Variants in PCDHA8 observed in about 807,000 individuals in gnomAD.
The protein encoded by PCDHA8 is protocadherin alpha-8.
Under a neutral mutation model 61.8 loss-of-function variants are expected in PCDHA8, and 53 were observed. The ratio of observed to expected loss-of-function variants is 0.86; its 90% CI spans 0.69 to 1.08. The LOEUF is 1.08. PCDHA8 is among the 50% of genes least tolerant of loss of function. PCDHA8 has a pLI of 0.00. For missense variants in PCDHA8, 1,293 were observed against 1,245.0 expected, an observed-to-expected ratio of 1.04 and a Z score of -0.58; for synonymous variants, 618 against 556.6, an observed-to-expected ratio of 1.11 and a Z score of -1.55.
intron 1 of PCDHA8, among the ~76,000 whole-genome samples, chr5:140,935,464 G>A (rs2090388076): frequency 6.6e-6 from 1 of 152,146 alleles, no homozygotes; most frequent in Admixed American, 6.5e-5. Context: ...AGCAGTTTAA[G>A]TTTTTGTCAT....
intron 1 of PCDHA8, chr5:140,927,843 CTT>C (rs1563097902): frequency 4.3e-6 from 7 of 1,614,186 alleles, no homozygotes; most frequent in African/African-American, 2.7e-5. Flanking sequence ...ACGAAGGTGT[CTT>C]TGGTTTAGCT....
At chr5:140,881,559 C>G (rs1293330721) in intron 1 of PCDHA8, among the ~76,000 whole-genome samples, 2 of 152,174 alleles carry the variant, frequency 1.3e-5, no homozygotes, top group Admixed American at 6.5e-5. Context: ...ATATAAATAT[C>G]TTATCTACAT....
intron 1 of PCDHA8, among the ~76,000 whole-genome samples, chr5:140,957,690 T>G (rs2095375856): frequency 6.6e-6 from 1 of 152,060 alleles, no homozygotes; most frequent in South Asian, 2.1e-4. Context: ...ATCTAGACAA[T>G]GAACATTATG....
chr5:140,873,464 T>C (rs904556302), intron 1 of PCDHA8, among the ~76,000 whole-genome samples: 1 of 152,214 alleles, frequency 6.6e-6, no homozygotes, highest in Non-Finnish European at 1.5e-5. Context: ...TTTTAGATAA[T>C]TCAAATTACT....
chr5:140,842,268 A>C lies in PCDHA8; in HGVS notation c.947A>C (p.Tyr316Ser). The C allele has an allele frequency of 6.2e-7, 1 of 1,610,534 alleles. No individual in the cohort carries two copies. The highest frequency in any genetic ancestry group is 1.1e-5 in the South Asian group (1 of 90,994). Residue 316 changes from tyrosine (Y) to serine (S), a missense_variant, in exon 1 of 4, where the codon TAC becomes TCC. Coordinates refer to ENST00000531613, the MANE Select transcript of PCDHA8 (RefSeq NM_018911.3). ...GNLDFEQENLYKILIDATDKG... is the reference protein window; with the variant it reads ...GNLDFEQENLSKILIDATDKG... ...TTGGATTTTGAACAAGAAAACTTATACAAAATCCTCATTGACGCCACGGAC... is the reference window on the plus strand; with the variant it reads ...TTGGATTTTGAACAAGAAAACTTATCCAAAATCCTCATTGACGCCACGGAC...
intron 1 of PCDHA8, chr5:140,863,089 A>C: frequency 3.5e-6 from 2 of 575,052 alleles, no homozygotes; most frequent in Non-Finnish European, 6.9e-6. Context: ...CGAGATCAGC[A>C]CGACGAGTAC....
At chr5:140,883,756 G>A (rs1404911116) in intron 1 of PCDHA8, 7 of 1,612,950 alleles carry the variant, frequency 4.3e-6, no homozygotes, top group Non-Finnish European at 5.1e-6. Flanking sequence ...CGCTGGTGGA[G>A]CGGCGGGTGG....
At chr5:140,967,979 G>C (rs1405177525) in intron 1 of PCDHA8, 3 of 1,614,100 alleles carry the variant, frequency 1.9e-6, no homozygotes, top group Non-Finnish European at 2.5e-6. Flanking sequence ...CCTGGGTCTG[G>C]AGGCCACACT....
rs557035841 is a variant in PCDHA8, at chr5:140,907,537, A to G, written c.2394+63822A>G. On this transcript the variant is annotated intron_variant, in intron 1 of 3. Coordinates refer to ENST00000531613, the MANE Select transcript of PCDHA8 (RefSeq NM_018911.3). ...GTGAGGACAAATCGCTGCCCTTTCT[A>G]TGATGGAAGAGGTCCAATATAATCA... 7.9e-5 allele frequency among the ~76,000 whole-genome samples: 12 copies of G among 152,370 alleles called. No homozygotes were observed. The South Asian group carries it at 1.2e-3, about 16-fold the overall frequency.
chr5:140,963,666 ATAGT>A (rs1254219157), intron 1 of PCDHA8, among the ~76,000 whole-genome samples: 1 of 152,216 alleles, frequency 6.6e-6, no homozygotes, highest in African/African-American at 2.4e-5. Flanking sequence ...CCTATATGGC[ATAGT>A]TAAATGTGTT....
Position 140,904,868 on chromosome 5 carries a change from C to T in PCDHA8, c.2394+61153C>T, listed in dbSNP as rs188578381. 2.9e-3 allele frequency among the ~76,000 whole-genome samples: 446 copies of T among 152,022 alleles called. 2 individuals are homozygous for T. Among genetic ancestry groups the T allele is most frequent in the Middle Eastern group, 0.014 (4 of 294 alleles). Reference sequence around the variant, plus strand: ...TCTTCTGAGAATTGTCTGTTTATGTCCTTAGCTCACTTTTTGATGGGATTT... The same window carrying T: ...TCTTCTGAGAATTGTCTGTTTATGTTCTTAGCTCACTTTTTGATGGGATTT... On this transcript the variant is annotated intron_variant, in intron 1 of 3. Transcript: ENST00000531613.
chr5:140,855,813 T>A (rs2043631842), intron 1 of PCDHA8: 2 of 511,660 alleles, frequency 3.9e-6, no homozygotes. Flanking sequence ...AAAGAAAAGT[T>A]GTGAACTCAT....
Position 141,011,779 on chromosome 5 carries a change from A to G in PCDHA8, c.*1842A>G, listed in dbSNP as rs1407523783. On this transcript the variant is annotated 3_prime_UTR_variant, in exon 4 of 4. Transcript: ENST00000531613. ...CTTTGAAGTTGCAGAATGCTTTGAAATTCTAATGGTATCTGAAATATCAGC... is the reference window on the plus strand; with the variant it reads ...CTTTGAAGTTGCAGAATGCTTTGAAGTTCTAATGGTATCTGAAATATCAGC... The G allele has an allele frequency of 6.5e-6, 1 of 153,778 alleles. No homozygotes were observed. Among genetic ancestry groups the G allele is most frequent in the East Asian group, 1.9e-4 (1 of 5,202 alleles). 9.5% of individuals were successfully genotyped at this position (153,778 alleles called of 1,614,324 possible).
intron 1 of PCDHA8, among the ~76,000 whole-genome samples, chr5:140,924,896 AAAAAAAAAATAAAATAAAAT>A (rs1488372568): frequency 0.024 from 1,693 of 69,132 alleles, 31 homozygotes; most frequent in African/African-American, 0.08. Context: ...ACCTGTCTCA[AAAAAAAAAATAAAATAAAAT>A]AAAATAAAAT....
At chr5:140,903,770 C>T (rs1583503336) in intron 1 of PCDHA8, among the ~76,000 whole-genome samples, 1 of 152,136 alleles carries the variant, frequency 6.6e-6, no homozygotes, top group Non-Finnish European at 1.5e-5. Flanking sequence ...CTGAACTTTT[C>T]TATCCATAAA....
At chr5:140,987,429 G>A (rs1402576200) in intron 3 of PCDHA8, among the ~76,000 whole-genome samples, 1 of 152,096 alleles carries the variant, frequency 6.6e-6, no homozygotes, top group Non-Finnish European at 1.5e-5. Context: ...GAAGCAGGGG[G>A]CCTTTCCCCA....
In PCDHA8 at chr5:140,863,325, AGT is replaced by A. The variant is rs1554158100; in HGVS notation, c.2394+19612_2394+19613del. 4 of 1,432,658 alleles carry A rather than the reference AGT, an allele frequency of 2.8e-6. No individual in the cohort carries two copies. In the African/African-American group the frequency reaches 5.7e-5, roughly 21 times the overall value. The allele number at this position is 1,432,658 out of a possible 1,614,324, so 88.7% of individuals were successfully genotyped here. On this transcript the variant is annotated intron_variant, in intron 1 of 3. Transcript: ENST00000531613. ...CCATCTGCGTGGTGTCCAGCCTGTT[AGT>A]GCTCACGTTGCTGCTGTACACGACG...
chr5:140,877,018 A>G, intron 1 of PCDHA8: 1 of 1,612,420 alleles, frequency 6.2e-7, no homozygotes, highest in Non-Finnish European at 8.5e-7. Flanking sequence ...GGAGAGCGGC[A>G]AGGTGTACGC....
chr5:140,855,898 G>A (rs1376080339), intron 1 of PCDHA8: 3 of 1,069,996 alleles, frequency 2.8e-6, no homozygotes, highest in African/African-American at 1.6e-5. Context: ...AAAGGCATCA[G>A]CCAGTTTCTC....
Sources: allele counts gnomAD v4.1 joint callset (sites outside exome capture counted in the v4.1 genomes callset), GRCh38; gene constraint gnomAD v4.1.1; transcripts MANE v1.5; gene names NCBI Gene and HGNC (gene_info 2026-07-23, HGNC 2026-07-21).